Variants in MBOAT2 observed in about 807,000 individuals in gnomAD.
The protein encoded by MBOAT2 is membrane bound glycerophospholipid O-acyltransferase 2.
In MBOAT2, 28 loss-of-function variants were observed where a neutral mutation model predicts 63.4. That is an observed-to-expected ratio of 0.44 (90% CI 0.33 to 0.61). MBOAT2 has a LOEUF of 0.61. Among genes scored for constraint, MBOAT2 ranks in the 20% least tolerant of loss-of-function variants. MBOAT2 has a pLI of 0.03. For synonymous variants in MBOAT2, 211 were observed against 215.6 expected (o/e 0.98, Z 0.19); for missense variants, 470 against 605.8 (o/e 0.78, Z 2.35).
intron 1 of MBOAT2, among the ~76,000 whole-genome samples, chr2:8,997,754 C>A (rs960917760): frequency 1.3e-5 from 2 of 152,164 alleles, no homozygotes; most frequent in Non-Finnish European, 2.9e-5. Flanking sequence ...AAGGAAACCA[C>A]GGCTTAAAGA....
chr2:8,906,006 G>C (rs1201347384), intron 4 of MBOAT2, among the ~76,000 whole-genome samples: 1 of 152,094 alleles, frequency 6.6e-6, no homozygotes, highest in African/African-American at 2.4e-5. Flanking sequence ...CACCTGGGCT[G>C]GAGTGCAGTG....
At chr2:8,942,198 T>C (rs1668103345) in intron 3 of MBOAT2, among the ~76,000 whole-genome samples, 2 of 152,092 alleles carry the variant, frequency 1.3e-5, no homozygotes, top group South Asian at 2.1e-4. Context: ...ACAACAGAGG[T>C]AGCGACTGAC....
chr2:8,948,680 T>C (rs1427548122), intron 2 of MBOAT2, among the ~76,000 whole-genome samples: 1 of 152,230 alleles, frequency 6.6e-6, no homozygotes, highest in African/African-American at 2.4e-5. Context: ...ATTTCCTTCT[T>C]TTTACAGCTG....
chr2:8,900,170 C>T (rs956336243), intron 4 of MBOAT2, among the ~76,000 whole-genome samples: 6 of 152,088 alleles, frequency 3.9e-5, no homozygotes, highest in African/African-American at 7.2e-5. Flanking sequence ...CAGATGTTTA[C>T]GACTCCAGTC....
At chr2:8,913,968 T>C (rs1665969766) in intron 3 of MBOAT2, among the ~76,000 whole-genome samples, 1 of 152,174 alleles carries the variant, frequency 6.6e-6, no homozygotes, top group East Asian at 1.9e-4. Context: ...GCGGTATATA[T>C]ATACGATGGA....
At chr2:8,978,763 G>A (rs1039378069) in intron 1 of MBOAT2, among the ~76,000 whole-genome samples, 1 of 151,942 alleles carries the variant, frequency 6.6e-6, no homozygotes, top group Non-Finnish European at 1.5e-5. Context: ...AAACTACCAT[G>A]GCACACGTAT....
At chr2:8,915,783 C>T (rs1027538415) in intron 3 of MBOAT2, among the ~76,000 whole-genome samples, 1 of 152,144 alleles carries the variant, frequency 6.6e-6, no homozygotes, top group Non-Finnish European at 1.5e-5. Flanking sequence ...CAAATAAAAT[C>T]CAGACCGACC....
intron 4 of MBOAT2, among the ~76,000 whole-genome samples, chr2:8,896,547 G>C (rs116054257): frequency 0.026 from 3,979 of 152,304 alleles, 183 homozygotes; most frequent in African/African-American, 0.09. Flanking sequence ...ATGTTACACT[G>C]TTAACTTTTA....
At chr2:8,880,290 G>A (rs1467299662) in intron 6 of MBOAT2, among the ~76,000 whole-genome samples, 1 of 152,134 alleles carries the variant, frequency 6.6e-6, no homozygotes, top group Non-Finnish European at 1.5e-5. Context: ...AATTTTAAAG[G>A]AAGGGCTAAC....
At chr2:8,897,546 C>T (rs1664577798) in intron 4 of MBOAT2, among the ~76,000 whole-genome samples, 1 of 152,214 alleles carries the variant, frequency 6.6e-6, no homozygotes, top group Non-Finnish European at 1.5e-5. Flanking sequence ...TTTTCCCCTT[C>T]CCAGTTCTAA....
At chr2:8,880,876 G>C (rs961240591) in intron 6 of MBOAT2, among the ~76,000 whole-genome samples, 2 of 152,232 alleles carry the variant, frequency 1.3e-5, no homozygotes, top group Non-Finnish European at 2.9e-5. Flanking sequence ...AATGAGTTCA[G>C]ACCAAGAGTG....
intron 3 of MBOAT2, among the ~76,000 whole-genome samples, chr2:8,912,539 A>G (rs750646263): frequency 6.6e-6 from 1 of 152,178 alleles, no homozygotes; most frequent in Non-Finnish European, 1.5e-5. Context: ...TAGCTCTTCT[A>G]TACACCAACA....
intron 1 of MBOAT2, among the ~76,000 whole-genome samples, chr2:8,982,623 A>G (rs931883323): frequency 2.0e-5 from 3 of 152,006 alleles, no homozygotes; most frequent in Non-Finnish European, 4.4e-5. Context: ...CCATCCATCT[A>G]CTTCCAGTGG....
chr2:8,979,837 G>A (rs1275075381), intron 1 of MBOAT2, among the ~76,000 whole-genome samples: 4 of 152,052 alleles, frequency 2.6e-5, no homozygotes, highest in African/African-American at 9.7e-5. Flanking sequence ...TGCTGACAAC[G>A]CAAGACTCAA....
At chr2:8,957,891 G>A (rs1669339144) in intron 2 of MBOAT2, among the ~76,000 whole-genome samples, 1 of 152,140 alleles carries the variant, frequency 6.6e-6, no homozygotes, top group Admixed American at 6.5e-5. Context: ...GTAACAAACA[G>A]GAAGTACAGT....
At chr2:8,935,779 G>C (rs1667619295) in intron 3 of MBOAT2, among the ~76,000 whole-genome samples, 2 of 152,316 alleles carry the variant, frequency 1.3e-5, no homozygotes, top group Admixed American at 1.3e-4. Flanking sequence ...ACTTAGCAGA[G>C]CTTGAATTCA....
In MBOAT2 at chr2:8,852,966, CAGAA is replaced by C. The variant is rs1433304026; in HGVS notation, c.*5709_*5712del. ...AAAAAATATTTTGGAATAATAAAAACAGAAAGCACAGAACACCACATTCTATTCT... is the reference window on the plus strand; with the variant it reads ...AAAAAATATTTTGGAATAATAAAAACAGCACAGAACACCACATTCTATTCT... On this transcript the variant is annotated 3_prime_UTR_variant, in exon 13 of 13. Coordinates refer to ENST00000305997, the MANE Select transcript of MBOAT2 (RefSeq NM_138799.4). The C allele has an allele frequency of 6.6e-6, 1 of 152,088 alleles. No individual in the cohort carries two copies. The highest frequency in any genetic ancestry group is 6.5e-5 in the Admixed American group (1 of 15,270). 9.4% of individuals were successfully genotyped at this position (152,088 alleles called of 1,614,324 possible).
At chr2:8,885,936 A>C (rs906471704) in intron 5 of MBOAT2, among the ~76,000 whole-genome samples, 2 of 152,204 alleles carry the variant, frequency 1.3e-5, no homozygotes. Context: ...TATCCTTAGA[A>C]AGGCCTGCTT....
At chr2:8,891,379 C>T (rs951974344) in intron 4 of MBOAT2, among the ~76,000 whole-genome samples, 1 of 152,156 alleles carries the variant, frequency 6.6e-6, no homozygotes, top group African/African-American at 2.4e-5. Context: ...GAGTCCAACG[C>T]AGCAGGTATA....
Sources: gnomAD v4.1 joint callset for allele counts (sites outside exome capture counted in the v4.1 genomes callset) on GRCh38, gnomAD v4.1.1 for gene constraint, MANE v1.5 for transcripts, NCBI Gene and HGNC (gene_info 2026-07-23, HGNC 2026-07-21) for gene names.